The following BIRC6 variants were observed in gnomAD, a reference collection of about 807,000 sequenced individuals.
The protein encoded by BIRC6 is baculoviral IAP repeat containing 6.
In BIRC6, 98 loss-of-function variants were observed where a neutral mutation model predicts 503.3. The ratio of observed to expected loss-of-function variants is 0.19; its 90% confidence interval spans 0.17 to 0.23. BIRC6 has a LOEUF of 0.23. Among genes scored for constraint, BIRC6 ranks in the 10% least tolerant of loss-of-function variants. The pLI, the probability that BIRC6 is intolerant of heterozygous loss-of-function variation, is 1.00. For missense variants in BIRC6, 5,360 were observed against 5,806.0 expected (o/e 0.92, Z 2.50); for synonymous variants, 2,240 against 2,078.7 (o/e 1.08, Z -2.11).
chr2:32,612,173 G>A (rs1448671086), intron 73 of BIRC6, among the ~76,000 whole-genome samples: 1 of 152,166 alleles, frequency 6.6e-6, no homozygotes, highest in East Asian at 1.9e-4. Flanking sequence ...AGACTTGAAG[G>A]ACTTCTTTTA....
intron 33 of BIRC6, 62 bp downstream of exon 33, chr2:32,473,301 A>C (rs2049310875): frequency 4.4e-6 from 6 of 1,351,294 alleles, no homozygotes; most frequent in Non-Finnish European, 5.0e-6. Flanking sequence ...AGTTTGCATG[A>C]GACAGATGTG....
intron 6 of BIRC6, among the ~76,000 whole-genome samples, chr2:32,399,969 A>AT (rs1298746236): frequency 6.6e-6 from 1 of 151,496 alleles, no homozygotes; most frequent in Non-Finnish European, 1.5e-5. Flanking sequence ...TTTTATTTTT[A>AT]TTTTTTGTAG....
At chr2:32,617,318 T>A (rs1278576921) in intron 73 of BIRC6, among the ~76,000 whole-genome samples, 1 of 152,098 alleles carries the variant, frequency 6.6e-6, no homozygotes, top group Non-Finnish European at 1.5e-5. Context: ...GAAGAATCAC[T>A]TGAACCCGGG....
intron 22 of BIRC6, among the ~76,000 whole-genome samples, chr2:32,453,442 C>G (rs975214027): frequency 3.3e-5 from 5 of 152,214 alleles, no homozygotes; most frequent in South Asian, 2.1e-4. Context: ...TAGGTGATAG[C>G]TAATGTGACT....
At chr2:32,576,014 A>G (rs912980591) in intron 66 of BIRC6, among the ~76,000 whole-genome samples, 3 of 152,232 alleles carry the variant, frequency 2.0e-5, no homozygotes, top group Non-Finnish European at 4.4e-5. Context: ...TTCAGTGTCA[A>G]TAAATACCAC....
intron 66 of BIRC6, chr2:32,590,862 G>T: frequency 1.0e-6 from 1 of 985,784 alleles, no homozygotes; most frequent in Non-Finnish European, 1.2e-6. Flanking sequence ...CCATGGTAGC[G>T]GCCGTCGCTG....
chr2:32,572,192 A>G (rs1465176620), intron 65 of BIRC6, among the ~76,000 whole-genome samples: 1 of 152,230 alleles, frequency 6.6e-6, no homozygotes, highest in Non-Finnish European at 1.5e-5. Context: ...AGGAATGTAT[A>G]TACTGTCATT....
At chr2:32,529,094 C>T (rs943990446) in intron 59 of BIRC6, 1 of 152,168 alleles carries the variant, frequency 6.6e-6, no homozygotes, top group Admixed American at 6.5e-5. Context: ...TTCTTCTTAG[C>T]TTTACATTGT....
At chr2:32,445,872 A>G (rs1329521205) in intron 21 of BIRC6, among the ~76,000 whole-genome samples, 1 of 140,994 alleles carries the variant, frequency 7.1e-6, no homozygotes, top group African/African-American at 2.6e-5. Context: ...TTTTTTTTTT[A>G]TCGAGATGGA....
chr2:32,439,600 C>T lies in BIRC6; in HGVS notation c.3724C>T (p.Pro1242Ser), dbSNP rs373480382. The T allele has an allele frequency of 6.2e-7, 1 of 1,613,818 alleles. No individual in the cohort carries two copies. Among genetic ancestry groups the T allele is most frequent in the Non-Finnish European group, 8.5e-7 (1 of 1,179,790 alleles). Residue 1242 changes from proline to serine, a missense_variant, in exon 16 of 74, where the codon CCT (proline) becomes TCT (serine). Physicochemically the swap from Pro to Ser is moderately conservative, Grantham distance 74 (BLOSUM62 -1). Transcript: ENST00000421745. ...AGAGATTTGTAATGGTGGTATGCGTCCTGTAGTAAGGCTTCCATCCCTAAA... is the reference window on the plus strand; with the variant it reads ...AGAGATTTGTAATGGTGGTATGCGTTCTGTAGTAAGGCTTCCATCCCTAAA... Reference protein sequence around the residue: ...TEEICNGGMRPVVRLPSLKHQ... With the variant: ...TEEICNGGMRSVVRLPSLKHQ...
At chr2:32,599,675 A>G (rs1231573437) in intron 69 of BIRC6, 64 bp from the exon 70 acceptor site, 4 of 1,498,302 alleles carry the variant, frequency 2.7e-6, no homozygotes, top group Non-Finnish European at 2.8e-6. Flanking sequence ...GTTGGATTGT[A>G]TTTTTCTAAA....
In BIRC6 at chr2:32,448,944, A is replaced by G; in HGVS notation, c.4618+16A>G. On this transcript the variant is annotated intron_variant, in intron 22 of 73. Coordinates refer to ENST00000421745, the MANE Select transcript of BIRC6 (RefSeq NM_016252.4). ...GTCCTTTCAGGTAGTGATTTCTTTTATTAAAGGAAATTCTGAATGTTGTAT... is the reference window on the plus strand; with the variant it reads ...GTCCTTTCAGGTAGTGATTTCTTTTGTTAAAGGAAATTCTGAATGTTGTAT... The G allele has an allele frequency of 6.2e-7, 1 of 1,600,626 alleles. No homozygotes were observed. The highest frequency in any genetic ancestry group is 8.5e-7 in the Non-Finnish European group (1 of 1,173,502).
At chr2:32,456,251 GTATAACA>G (rs1166910668) in intron 23 of BIRC6, among the ~76,000 whole-genome samples, 8 of 152,170 alleles carry the variant, frequency 5.3e-5, no homozygotes, top group African/African-American at 1.9e-4. Flanking sequence ...AGTAAGGTCT[GTATAACA>G]TAGAATTGCA....
At chr2:32,554,921 G>A (rs1559042973) in intron 65 of BIRC6, among the ~76,000 whole-genome samples, 2 of 151,974 alleles carry the variant, frequency 1.3e-5, no homozygotes, top group Non-Finnish European at 2.9e-5. Flanking sequence ...AAGTAAATGT[G>A]CAGTTGGAAA....
rs545030349 is a variant in BIRC6, at chr2:32,408,280, T to C, written c.1477+1723T>C. On this transcript the variant is annotated intron_variant, in intron 9 of 73. Coordinates refer to ENST00000421745, the MANE Select transcript of BIRC6 (RefSeq NM_016252.4). Reference sequence around the variant, plus strand: ...ACCGTGCCCGGCCAGACCTGGCTCTTTCTTTTGTTTTTTTGAGACGGAGTG... The same window carrying C: ...ACCGTGCCCGGCCAGACCTGGCTCTCTCTTTTGTTTTTTTGAGACGGAGTG... 2.0e-5 allele frequency among the ~76,000 whole-genome samples: 3 copies of C among 152,034 alleles called. No homozygotes were observed. The South Asian group carries it at 6.2e-4, about 32-fold the overall frequency.
At position 32,595,154 on chromosome 2, in the gene BIRC6, A is replaced by C. The variant is rs571865717; in HGVS notation, c.13612+10A>C. 2.6e-6 allele frequency: 4 copies of C among 1,521,768 alleles called. No individual in the cohort carries two copies. The highest frequency in any genetic ancestry group is 1.4e-5 in the African/African-American group (1 of 71,610). The allele number at this position is 1,521,768 out of a possible 1,614,324, so 94.3% of individuals were successfully genotyped here. ...AAGAAATTACAGTTTGGTAAGATGAAATTTTTGATTTGCTTAAGATCTCAC... is the reference window on the plus strand; with the variant it reads ...AAGAAATTACAGTTTGGTAAGATGACATTTTTGATTTGCTTAAGATCTCAC... On this transcript the variant is annotated intron_variant, in intron 68 of 73. Coordinates refer to ENST00000421745, the MANE Select transcript of BIRC6 (RefSeq NM_016252.4).
In BIRC6 at chr2:32,487,565, A is replaced by T. The variant is rs186040357; in HGVS notation, c.7814-82A>T. ...CAGTTTTAATTTTTAAAAACAATTT[A>T]ACCTATTTATACATATGAATAACCA... is the stretch of plus-strand genomic sequence containing the variant. On this transcript the variant is annotated intron_variant, in intron 40 of 73. Transcript: ENST00000421745. The T allele has an allele frequency of 2.1e-4, 257 of 1,223,558 alleles. 1 individual carries two copies. Among genetic ancestry groups the T allele is most frequent in the Admixed American group, 9.7e-4 (45 of 46,454 alleles). 75.8% of individuals were successfully genotyped at this position (1,223,558 alleles called of 1,614,324 possible).
At chr2:32,408,708 A>T (rs2041524647) in intron 9 of BIRC6, among the ~76,000 whole-genome samples, 1 of 152,142 alleles carries the variant, frequency 6.6e-6, no homozygotes, top group South Asian at 2.1e-4. Flanking sequence ...AATCATGTTT[A>T]CTTTAGCTAA....
chr2:32,371,074 G>A (rs767130691), intron 1 of BIRC6, among the ~76,000 whole-genome samples: 4 of 151,632 alleles, frequency 2.6e-5, no homozygotes, highest in African/African-American at 4.8e-5. Flanking sequence ...TTAGCCGGGC[G>A]TGCTGTCACA....
Sources: allele counts gnomAD v4.1 joint callset (sites outside exome capture counted in the v4.1 genomes callset), GRCh38; gene constraint gnomAD v4.1.1; transcripts MANE v1.5; gene names NCBI Gene and HGNC (gene_info 2026-07-23, HGNC 2026-07-21).